Variants in CIPC observed in about 807,000 individuals in gnomAD.
CIPC encodes the protein CLOCK interacting pacemaker.
In CIPC, 12 loss-of-function variants were observed where a neutral mutation model predicts 26.7. That is an observed-to-expected ratio of 0.45 (90% CI 0.29 to 0.73). The LOEUF is 0.73. Ranked by LOEUF, CIPC falls within the 30% of genes least tolerant of loss-of-function variation. CIPC has a pLI of 0.12. For synonymous variants in CIPC, 170 were observed against 189.8 expected, an observed-to-expected ratio of 0.90 and a Z score of 0.86; for missense variants, 417 against 486.5, an observed-to-expected ratio of 0.86 and a Z score of 1.34.
Position 77,114,019 on chromosome 14 carries a change from C to T in CIPC, c.901C>T (p.Arg301Cys), listed in dbSNP as rs758993211. ...SPLWAAEHLC[R>C]SPDIFSEQRQ... ...TTTATGGGCTGCAGAGCACCTCTGCCGCAGCCCAGATATCTTTTCAGAGCA... is the reference window on the plus strand; with the variant it reads ...TTTATGGGCTGCAGAGCACCTCTGCTGCAGCCCAGATATCTTTTCAGAGCA... The change falls in exon 4 of 4, where the codon CGC (arginine) becomes TGC (cysteine). Residue 301 changes from arginine (R) to cysteine (C), a missense_variant. Transcript: ENST00000361786. 9 of 1,614,050 alleles carry T rather than the reference C, an allele frequency of 5.6e-6. No homozygotes were observed. In the East Asian group the frequency reaches 1.1e-4, roughly 20 times the overall value.
intron 2 of CIPC, among the ~76,000 whole-genome samples, chr14:77,107,840 C>T (rs1363154449): frequency 3.3e-5 from 5 of 152,182 alleles, no homozygotes; most frequent in African/African-American, 1.2e-4. Flanking sequence ...GATTTTCCCC[C>T]ATTGTCCCAA....
Position 77,105,847 on chromosome 14 carries a change from T to C in CIPC, c.136+3T>C, listed in dbSNP as rs1378566698. 1 of 1,612,990 alleles carries C rather than the reference T, an allele frequency of 6.2e-7. No homozygotes were observed. Among genetic ancestry groups the C allele is most frequent in the Non-Finnish European group, 8.5e-7 (1 of 1,179,622 alleles). ...AGACAAGGACTCTGGCTTTTCAGGTTAAAAATATCTTATCCTTCCTCTGTT... is the reference window on the plus strand; with the variant it reads ...AGACAAGGACTCTGGCTTTTCAGGTCAAAAATATCTTATCCTTCCTCTGTT... On this transcript the variant is annotated splice_donor_region_variant and intron_variant, in intron 2 of 3. Coordinates refer to ENST00000361786, the MANE Select transcript of CIPC (RefSeq NM_033426.3).
At chr14:77,112,136 G>A (rs867083815) in intron 3 of CIPC, among the ~76,000 whole-genome samples, 4 of 152,160 alleles carry the variant, frequency 2.6e-5, no homozygotes, top group Admixed American at 1.3e-4. Context: ...AAGACAGTTC[G>A]TAATGTTCTT....
At position 77,105,823 on chromosome 14, in the gene CIPC, G is replaced by A; in HGVS notation, c.115G>A (p.Asp39Asn). ...RQLGMAAAES[D>N]KDSGFSDGSS... ...GCTTGGGATGGCTGCTGCTGAGTCA[G>A]ACAAGGACTCTGGCTTTTCAGGTTA... The change falls in exon 2 of 4, where the codon GAC (aspartate) becomes AAC (asparagine). Residue 39 changes from aspartate (D) to asparagine (N), a missense_variant. Physicochemically the swap from Asp to Asn is conservative, Grantham distance 23. Transcript: ENST00000361786. The A allele has an allele frequency of 6.2e-7, 1 of 1,614,146 alleles. No homozygotes were observed. Among genetic ancestry groups the A allele is most frequent in the Non-Finnish European group, 8.5e-7 (1 of 1,180,008 alleles).
intron 3 of CIPC, among the ~76,000 whole-genome samples, chr14:77,110,532 T>C (rs1411643006): frequency 6.6e-6 from 1 of 152,198 alleles, no homozygotes; most frequent in Non-Finnish European, 1.5e-5. Context: ...ATCCACACAG[T>C]GTTGTGGAGT....
At chr14:77,113,309 T>G (rs1285713445) in intron 3 of CIPC, 116 bp from the exon 4 acceptor site, 1 of 1,079,266 alleles carries the variant, frequency 9.3e-7, no homozygotes, top group African/African-American at 1.5e-5. Flanking sequence ...AGAGAAGCAC[T>G]GTCCTTGAAA....
rs79606373 is a variant in CIPC at position 77,115,241 on chromosome 14, G to T, written c.*923G>T. On this transcript the variant is annotated 3_prime_UTR_variant, in exon 4 of 4. Coordinates refer to ENST00000361786, the MANE Select transcript of CIPC (RefSeq NM_033426.3). ...TATAAGTTAACTCTGCTGCCATCTT[G>T]TTTTTTTTTTTTTTCCTTTATTTTG... is the stretch of plus-strand genomic sequence containing the variant. 7.0e-6 allele frequency: 1 copy of T among 143,662 alleles called. No individual in the cohort carries two copies. Among genetic ancestry groups the T allele is most frequent in the Non-Finnish European group, 1.5e-5 (1 of 65,468 alleles). 8.9% of individuals were successfully genotyped at this position (143,662 alleles called of 1,614,324 possible). A position where few individuals can be genotyped will look rare whatever the true frequency, so the allele number is the denominator to read the frequency against.
At position 77,113,957 on chromosome 14, in the gene CIPC, C is replaced by G; in HGVS notation, c.839C>G (p.Ser280Cys). 1 of 1,614,250 alleles carries G rather than the reference C, an allele frequency of 6.2e-7. No individual in the cohort carries two copies. Among genetic ancestry groups the G allele is most frequent in the Non-Finnish European group, 8.5e-7 (1 of 1,180,054 alleles). ...ACTCTCCATGGGTTAGAGAGCAACT[C>G]TCCCCTTTCACCACTGTCCGCTAAT... is the stretch of plus-strand genomic sequence containing the variant. ...DSTLHGLESNSPLSPLSANYS... is the reference protein window; with the variant it reads ...DSTLHGLESNCPLSPLSANYS... The change falls in exon 4 of 4, where the codon TCT (serine) becomes TGT (cysteine). Residue 280 changes from serine to cysteine, a missense_variant. Physicochemically the swap from Ser to Cys is moderately radical, Grantham distance 112. Transcript: ENST00000361786.
At chr14:77,102,987 C>G (rs1453823876) in intron 1 of CIPC, among the ~76,000 whole-genome samples, 3 of 152,210 alleles carry the variant, frequency 2.0e-5, no homozygotes, top group African/African-American at 7.2e-5. Context: ...TCATAGCTGT[C>G]AGATAGACAT....
At chr14:77,104,832 G>A (rs58652996) in intron 1 of CIPC, among the ~76,000 whole-genome samples, 4,584 of 152,260 alleles carry the variant, frequency 0.03, 256 homozygotes, top group African/African-American at 0.11. Flanking sequence ...AGAAGGAAGC[G>A]ACAGATGCCT....
rs1219585231 is a variant in CIPC, at chr14:77,114,429, T to C, written c.*111T>C. The C allele has an allele frequency of 2.4e-6, 3 of 1,236,112 alleles. No individual in the cohort carries two copies. The highest frequency in any genetic ancestry group is 3.4e-6 in the Non-Finnish European group (3 of 884,400). The allele number at this position is 1,236,112 out of a possible 1,614,324, so 76.6% of individuals were successfully genotyped here. On this transcript the variant is annotated 3_prime_UTR_variant, in exon 4 of 4. Transcript: ENST00000361786. Reference sequence around the variant, plus strand: ...AGCTTTTCCTTCTAAACTTAAACTGTGTTGTGGTTCACTTAGGAAGCCACG... The same window carrying C: ...AGCTTTTCCTTCTAAACTTAAACTGCGTTGTGGTTCACTTAGGAAGCCACG...
At chr14:77,107,857 C>T (rs2140030899) in intron 2 of CIPC, among the ~76,000 whole-genome samples, 1 of 152,274 alleles carries the variant, frequency 6.6e-6, no homozygotes, top group East Asian at 1.9e-4. Context: ...CCAATAATGT[C>T]CTTTATAGCT....
intron 3 of CIPC, among the ~76,000 whole-genome samples, chr14:77,111,200 A>G (rs560899495): frequency 5.2e-4 from 79 of 152,118 alleles, no homozygotes; most frequent in African/African-American, 1.8e-3. Context: ...GTCTGTGTTT[A>G]TATCCCTTCT....
intron 1 of CIPC, among the ~76,000 whole-genome samples, chr14:77,101,168 G>A (rs1258915058): frequency 2.0e-5 from 3 of 152,102 alleles, no homozygotes; most frequent in Admixed American, 1.3e-4. Flanking sequence ...ATATCTAAGA[G>A]GAAAAAAATC....
chr14:77,113,263 A>G (rs1345267491), intron 3 of CIPC, 162 bp from the exon 4 acceptor site: 9 of 747,278 alleles, frequency 1.2e-5, no homozygotes, highest in African/African-American at 1.7e-5. Flanking sequence ...AGTATTTGTG[A>G]TATCAGACAC....
chr14:77,110,054 T>C, intron 3 of CIPC, 73 bp downstream of exon 3: 1 of 1,442,374 alleles, frequency 6.9e-7, no homozygotes. Context: ...AAGGAAGAGA[T>C]TTATATTCTC....
intron 3 of CIPC, among the ~76,000 whole-genome samples, 169 bp downstream of exon 3, chr14:77,110,150 T>C (rs1233208875): frequency 6.6e-6 from 1 of 152,120 alleles, no homozygotes; most frequent in Non-Finnish European, 1.5e-5. Flanking sequence ...ATCTTTCAAG[T>C]GTGACACTGT....
intron 2 of CIPC, among the ~76,000 whole-genome samples, chr14:77,109,257 G>GT (rs1302199421): frequency 6.6e-6 from 1 of 152,184 alleles, no homozygotes; most frequent in Non-Finnish European, 1.5e-5. Flanking sequence ...TTTTTTAAAA[G>GT]TATCACTGGA....
At chr14:77,108,158 C>T (rs1886627454) in intron 2 of CIPC, among the ~76,000 whole-genome samples, 1 of 152,176 alleles carries the variant, frequency 6.6e-6, no homozygotes, top group Non-Finnish European at 1.5e-5. Flanking sequence ...CATTGCAACA[C>T]ATTTGGAGAC....
Sources: gnomAD v4.1 joint callset for allele counts (sites outside exome capture counted in the v4.1 genomes callset) on GRCh38, gnomAD v4.1.1 for gene constraint, MANE v1.5 for transcripts, NCBI Gene and HGNC (gene_info 2026-07-23, HGNC 2026-07-21) for gene names.